Variants in GREM2 observed in about 807,000 individuals in gnomAD.
The protein encoded by GREM2 is gremlin 2, DAN family BMP antagonist, also known as gremlin-2.
Under a neutral mutation model 14.2 loss-of-function variants are expected in GREM2, and 11 were observed. That is an observed-to-expected ratio of 0.78 (90% CI 0.49 to 1.28). The LOEUF is 1.28. Ranked by LOEUF, GREM2 falls within the 50% of genes most tolerant of loss-of-function variation. GREM2 has a pLI of 0.00. For synonymous variants in GREM2, 98 were observed against 97.6 expected (o/e 1.00, Z -0.02); for missense variants, 210 against 218.5 (o/e 0.96, Z 0.24).
rs1173009445 is a variant in GREM2 at position 240,527,499 on chromosome 1, AT to A, written c.-1-34024del. ...AAGAGGACAGGAAGAAAATAAAAAC[AT>A]TTTATAATCTGCTTCTCTGCTGACA... On this transcript the variant is annotated intron_variant, in intron 1 of 1. Transcript: ENST00000318160. Among the ~76,000 whole-genome samples the A allele has an allele frequency of 3.3e-5, 5 of 152,242 alleles. No homozygotes were observed. The East Asian group carries it at 9.6e-4, about 29-fold the overall frequency.
intron 1 of GREM2, among the ~76,000 whole-genome samples, chr1:240,565,853 A>T (rs538869739): frequency 6.6e-6 from 1 of 151,664 alleles, no homozygotes; most frequent in Non-Finnish European, 1.5e-5. Flanking sequence ...CTCCAAAAAA[A>T]AAAAAAAAAC....
At chr1:240,554,297 G>A (rs954869415) in intron 1 of GREM2, among the ~76,000 whole-genome samples, 4 of 151,772 alleles carry the variant, frequency 2.6e-5, no homozygotes, top group African/African-American at 9.7e-5. Flanking sequence ...GGTAATCCCA[G>A]CTACTCGGGA....
At chr1:240,599,565 G>C (rs992523696) in intron 1 of GREM2, among the ~76,000 whole-genome samples, 3 of 152,298 alleles carry the variant, frequency 2.0e-5, no homozygotes, top group African/African-American at 4.8e-5. Context: ...GAAAGTCTAA[G>C]CATGACCAAA....
At chr1:240,605,879 A>G (rs1208655756) in intron 1 of GREM2, among the ~76,000 whole-genome samples, 1 of 152,124 alleles carries the variant, frequency 6.6e-6, no homozygotes, top group African/African-American at 2.4e-5. Flanking sequence ...TTGTTGATTT[A>G]GTATTTTAAT....
At chr1:240,495,459 T>C (rs931149606) in intron 1 of GREM2, among the ~76,000 whole-genome samples, 1 of 152,222 alleles carries the variant, frequency 6.6e-6, no homozygotes, top group Non-Finnish European at 1.5e-5. Flanking sequence ...TGTTTGAATT[T>C]TTTACGTCTT....
Position 240,491,253 on chromosome 1 carries a change from C to A in GREM2, c.*1716G>T, listed in dbSNP as rs929563930. 2 of 152,514 alleles carry A rather than the reference C, an allele frequency of 1.3e-5. No individual in the cohort carries two copies. Among genetic ancestry groups the A allele is most frequent in the African/African-American group, 4.8e-5 (2 of 41,450 alleles). 9.4% of individuals were successfully genotyped at this position (152,514 alleles called of 1,614,324 possible). A position where few individuals can be genotyped will look rare whatever the true frequency, so the allele number is the denominator to read the frequency against. ...ACCATCACTACCTAGTATCAGGAAG[C>A]TAAGTCCCCACAGCGGCTTGCAGAG... On this transcript the variant is annotated 3_prime_UTR_variant, in exon 2 of 2. Transcript: ENST00000318160.
At chr1:240,502,602 G>A (rs1344705752) in intron 1 of GREM2, among the ~76,000 whole-genome samples, 2 of 152,154 alleles carry the variant, frequency 1.3e-5, no homozygotes, top group East Asian at 3.9e-4. Context: ...ATGTCCTGTA[G>A]GCACCTCAAA....
chr1:240,498,642 C>A (rs755967081), intron 1 of GREM2, among the ~76,000 whole-genome samples: 1 of 152,180 alleles, frequency 6.6e-6, no homozygotes, highest in Admixed American at 6.5e-5. Flanking sequence ...TCAGCGGCCC[C>A]GCCAGGAGCT....
intron 1 of GREM2, among the ~76,000 whole-genome samples, chr1:240,599,120 T>A (rs1230708768): frequency 3.9e-5 from 6 of 151,958 alleles, no homozygotes; most frequent in Admixed American, 3.9e-4. Flanking sequence ...AACACAAAAT[T>A]AGCCTGGTGT....
intron 1 of GREM2, among the ~76,000 whole-genome samples, chr1:240,532,669 ATAGATAGATAGATAG>A (rs1435344629): frequency 6.2e-5 from 9 of 144,736 alleles, no homozygotes; most frequent in African/African-American, 2.3e-4. Flanking sequence ...AGATAGATAG[ATAGATAGATAGATAG>A]ATATATGGCA....
intron 1 of GREM2, among the ~76,000 whole-genome samples, chr1:240,532,289 C>T (rs931961497): frequency 6.6e-6 from 1 of 151,896 alleles, no homozygotes; most frequent in African/African-American, 2.4e-5. Flanking sequence ...TCACCATGTT[C>T]GCCAGGCTGG....
intron 1 of GREM2, among the ~76,000 whole-genome samples, chr1:240,571,090 A>G (rs1243131920): frequency 6.6e-6 from 1 of 152,218 alleles, no homozygotes; most frequent in Non-Finnish European, 1.5e-5. Flanking sequence ...AAACAACCAG[A>G]CACATTTTTC....
chr1:240,546,251 A>C (rs1265867953), intron 1 of GREM2, among the ~76,000 whole-genome samples: 2 of 152,038 alleles, frequency 1.3e-5, no homozygotes, highest in African/African-American at 2.4e-5. Flanking sequence ...AGGCAGGAGA[A>C]TCTCTTAAAC....
At position 240,542,800 on chromosome 1, in the gene GREM2, T is replaced by A. The variant is rs577823528; in HGVS notation, c.-1-49324A>T. On this transcript the variant is annotated intron_variant, in intron 1 of 1. Coordinates refer to ENST00000318160, the MANE Select transcript of GREM2 (RefSeq NM_022469.4). The surrounding 1 kb of genome is among the most constrained non-coding windows in gnomAD (Gnocchi z 4.1). ...AATAAAACTTTGCTATGCTTCTGAT[T>A]TGAGACAAAGATACTGTAATGTTTT... is the stretch of plus-strand genomic sequence containing the variant. Among the ~76,000 whole-genome samples the A allele has an allele frequency of 2.1e-4, 32 of 152,298 alleles. 1 individual carries two copies. The South Asian group carries it at 6.6e-3, about 32-fold the overall frequency.
At position 240,542,085 on chromosome 1, in the gene GREM2, G is replaced by A. The variant is rs535421285; in HGVS notation, c.-1-48609C>T. Among the ~76,000 whole-genome samples the A allele has an allele frequency of 3.0e-4, 45 of 152,204 alleles. No homozygotes were observed. Among genetic ancestry groups the A allele is most frequent in the South Asian group, 6.2e-4 (3 of 4,808 alleles). On this transcript the variant is annotated intron_variant, in intron 1 of 1. Transcript: ENST00000318160. This position sits in a 1 kb window ranked among gnomAD's most constrained non-coding sequence, Gnocchi z 4.1. The stretch of plus-strand genomic sequence containing the variant: ...CATTTTTGGTCATCACCACTATGAC[G>A]GCTGCTACTGAAATCTAGAAGGTCG...
rs566066958 is a variant in GREM2, at chr1:240,501,459, C to T, written c.-1-7983G>A. ...GAAGAAATGATACTATCATTACTTA[C>T]TTTGACTTCTGGACAGCAAATGCAT... is the stretch of plus-strand genomic sequence containing the variant. On this transcript the variant is annotated intron_variant, in intron 1 of 1. Coordinates refer to ENST00000318160, the MANE Select transcript of GREM2 (RefSeq NM_022469.4). 7.2e-5 allele frequency among the ~76,000 whole-genome samples: 11 copies of T among 152,294 alleles called. No individual in the cohort carries two copies. The South Asian group carries it at 2.3e-3, about 32-fold the overall frequency.
At chr1:240,574,359 T>C (rs934273679) in intron 1 of GREM2, among the ~76,000 whole-genome samples, 3 of 152,176 alleles carry the variant, frequency 2.0e-5, no homozygotes, top group Non-Finnish European at 4.4e-5. Context: ...AAGAACCTAC[T>C]AGTAATATAA....
chr1:240,574,088 T>G (rs1679311195), intron 1 of GREM2, among the ~76,000 whole-genome samples: 1 of 151,966 alleles, frequency 6.6e-6, no homozygotes, highest in Non-Finnish European at 1.5e-5. Flanking sequence ...ACCTGGCTAA[T>G]TTTTTTGAAT....
At chr1:240,503,381 G>T (rs551430381) in intron 1 of GREM2, among the ~76,000 whole-genome samples, 1 of 152,004 alleles carries the variant, frequency 6.6e-6, no homozygotes, top group South Asian at 2.1e-4. Flanking sequence ...TAGTCTCTTC[G>T]CTGGCCTCCC....
Sources: gnomAD v4.1 joint callset for allele counts (sites outside exome capture counted in the v4.1 genomes callset) on GRCh38, gnomAD v4.1.1 for gene constraint, Gnocchi (gnomAD v3.1) non-coding constraint, MANE v1.5 for transcripts, NCBI Gene and HGNC (gene_info 2026-07-23, HGNC 2026-07-21) for gene names.